ATXN7L1: variants seen among roughly 807,000 people sequenced by gnomAD.
ATXN7L1 encodes the protein ataxin 7 like 1, also known as ataxin-7-like protein 1.
Under a neutral mutation model 70.8 loss-of-function variants are expected in ATXN7L1, and 15 were observed. That is an observed-to-expected ratio of 0.21 (90% CI 0.14 to 0.33). The LOEUF is 0.33. Ranked by LOEUF, ATXN7L1 falls within the 10% of genes least tolerant of loss-of-function variation. ATXN7L1 has a pLI of 1.00. For missense variants in ATXN7L1, 975 were observed against 1,097.1 expected (o/e 0.89, Z 1.57); for synonymous variants, 440 against 445.1 (o/e 0.99, Z 0.14).
chr7:105,653,752 C>T (rs1334085671), intron 4 of ATXN7L1, among the ~76,000 whole-genome samples: 1 of 151,984 alleles, frequency 6.6e-6, no homozygotes, highest in African/African-American at 2.4e-5. Context: ...CCCCACCCCT[C>T]CTGCCCCAGC....
intron 3 of ATXN7L1, among the ~76,000 whole-genome samples, chr7:105,747,513 T>C (rs1394558044): frequency 1.3e-5 from 2 of 152,182 alleles, no homozygotes; most frequent in African/African-American, 2.4e-5. Flanking sequence ...CTTTAAGATA[T>C]CCTTTATAAT....
At chr7:105,721,398 T>C (rs535609253) in intron 3 of ATXN7L1, among the ~76,000 whole-genome samples, 1 of 152,256 alleles carries the variant, frequency 6.6e-6, no homozygotes, top group South Asian at 2.1e-4. Flanking sequence ...CTGGAAGGAT[T>C]CCTGGACCAT....
chr7:105,617,727 T>A lies in ATXN7L1; in HGVS notation c.1517+2473A>T, dbSNP rs980026372. 8.4e-6 allele frequency: 3 copies of A among 355,034 alleles called. No homozygotes were observed. The Admixed American group carries it at 1.1e-4, about 13-fold the overall frequency. The allele number at this position is 355,034 out of a possible 1,614,324, so 22.0% of individuals were successfully genotyped here. The stretch of plus-strand genomic sequence containing the variant: ...GAAGTCCCACACTAAAGCCCACAGA[T>A]GCGAATAAATTACTGACAGTGCCCA... On this transcript the variant is annotated intron_variant, in intron 9 of 11. Transcript: ENST00000419735.
intron 2 of ATXN7L1, among the ~76,000 whole-genome samples, chr7:105,818,713 T>TTGAAGCTGGCATGTATTAGGA (rs1219431474): frequency 2.0e-5 from 3 of 152,156 alleles, no homozygotes; most frequent in Non-Finnish European, 4.4e-5. Context: ...GCAGCACACA[T>TTGAAGCTGGCATGTATTAGGA]TGAAGCTGGC....
chr7:105,749,895 T>A (rs545949241), intron 3 of ATXN7L1, among the ~76,000 whole-genome samples: 1 of 151,914 alleles, frequency 6.6e-6, no homozygotes, highest in Non-Finnish European at 1.5e-5. Context: ...CCGTTGAGGA[T>A]CACTGTTGGC....
intron 3 of ATXN7L1, among the ~76,000 whole-genome samples, chr7:105,700,231 C>T (rs186912875): frequency 5.3e-5 from 8 of 152,178 alleles, no homozygotes; most frequent in Non-Finnish European, 7.4e-5. Flanking sequence ...GGGGGCTGGG[C>T]GCGGTGGCTC....
chr7:105,837,787 T>C (rs1442128928), intron 2 of ATXN7L1, among the ~76,000 whole-genome samples: 1 of 151,982 alleles, frequency 6.6e-6, no homozygotes, highest in Non-Finnish European at 1.5e-5. Context: ...TGGCCACCCT[T>C]CTCCACTCAC....
rs149633348 is a variant in ATXN7L1 at position 105,864,682 on chromosome 7, G to A, written c.250+11130C>T. Among the ~76,000 whole-genome samples, 1,401 of 150,902 alleles carry A rather than the reference G, an allele frequency of 9.3e-3. 17 individuals are homozygous for A. The highest frequency in any genetic ancestry group is 0.032 in the African/African-American group (1,330 of 41,016). ...GGAGTGTCACTCTGTCCCCCAGGCTGGAGTGCAGTGGTGCAATCTCGGCTC... is the reference window on the plus strand; with the variant it reads ...GGAGTGTCACTCTGTCCCCCAGGCTAGAGTGCAGTGGTGCAATCTCGGCTC... On this transcript the variant is annotated intron_variant, in intron 2 of 11. Coordinates refer to ENST00000419735, the MANE Select transcript of ATXN7L1 (RefSeq NM_020725.2).
intron 3 of ATXN7L1, among the ~76,000 whole-genome samples, chr7:105,679,604 A>C (rs745411921): frequency 2.6e-5 from 4 of 152,236 alleles, no homozygotes; most frequent in Non-Finnish European, 4.4e-5. Flanking sequence ...GATTTCATTC[A>C]TTCTGGATAT....
chr7:105,754,680 G>A (rs1320841812), intron 3 of ATXN7L1, among the ~76,000 whole-genome samples: 2 of 152,142 alleles, frequency 1.3e-5, no homozygotes, highest in Non-Finnish European at 2.9e-5. Flanking sequence ...GGCTGGTCTT[G>A]AATTCCTGGC....
At chr7:105,751,737 G>A (rs1367989978) in intron 3 of ATXN7L1, among the ~76,000 whole-genome samples, 1 of 152,164 alleles carries the variant, frequency 6.6e-6, no homozygotes, top group Non-Finnish European at 1.5e-5. Context: ...TTCTCCTCAG[G>A]GGCCTCCCAT....
intron 3 of ATXN7L1, among the ~76,000 whole-genome samples, chr7:105,710,498 C>T (rs2116267458): frequency 6.6e-6 from 1 of 151,128 alleles, no homozygotes; most frequent in Non-Finnish European, 1.5e-5. Flanking sequence ...AGCTCCGCCT[C>T]CCAGGTTCAT....
chr7:105,619,140 G>GTTTTTGTTTT (rs1794384009), intron 9 of ATXN7L1, among the ~76,000 whole-genome samples: 1 of 49,846 alleles, frequency 2.0e-5, no homozygotes, highest in African/African-American at 8.2e-5. Context: ...GAAATCTTTA[G>GTTTTTGTTTT]TTTTTTTTTT....
At chr7:105,789,639 C>G (rs1041650053) in intron 2 of ATXN7L1, among the ~76,000 whole-genome samples, 1 of 152,220 alleles carries the variant, frequency 6.6e-6, no homozygotes, top group Middle Eastern at 3.4e-3. Context: ...TGGAGGGAGT[C>G]TTGGCGCCTC....
In ATXN7L1 at chr7:105,613,950, A is replaced by G; in HGVS notation, c.2384T>C (p.Met795Thr). The change falls in exon 10 of 12, where the codon ATG (methionine) becomes ACG (threonine). Residue 795 changes from methionine (M) to threonine (T), a missense_variant. Physicochemically the swap from Met to Thr is moderately conservative, Grantham distance 81. This residue lies in a region of ATXN7L1 where 635 missense variants were observed against 699.4 expected (regional missense o/e 0.91). Transcript: ENST00000419735. ...SSSKACKITK[M>T]PGMNSVHKKN... is the part of the protein sequence containing the mutation. ...TTTGTGAACGCTATTCATACCAGGC[A>G]TTTTAGTGATTTTACAGGCTTTGCT... 1 of 1,552,312 alleles carries G rather than the reference A, an allele frequency of 6.4e-7. No homozygotes were observed. The highest frequency in any genetic ancestry group is 1.2e-5 in the South Asian group (1 of 84,062).
chr7:105,755,894 C>G (rs1482005879), intron 3 of ATXN7L1, among the ~76,000 whole-genome samples: 1 of 152,150 alleles, frequency 6.6e-6, no homozygotes. Context: ...AACCGTCATG[C>G]AGGTGGAGAC....
chr7:105,719,593 A>G (rs1794952212), intron 3 of ATXN7L1, among the ~76,000 whole-genome samples: 1 of 152,144 alleles, frequency 6.6e-6, no homozygotes, highest in Non-Finnish European at 1.5e-5. Flanking sequence ...AGCAGGAGCC[A>G]GCGCAGAGAA....
rs1439485834 is a variant in ATXN7L1 at position 105,667,580 on chromosome 7, TC to T, written c.356-2293del. 1.5e-5 allele frequency among the ~76,000 whole-genome samples: 2 copies of T among 132,230 alleles called. 1 individual carries two copies. Among genetic ancestry groups the T allele is most frequent in the East Asian group, 6.3e-4 (2 of 3,194 alleles). The allele number at this position is 132,230 out of a possible 152,430, so 86.7% of individuals were successfully genotyped here. A position where few individuals can be genotyped will look rare whatever the true frequency, so the allele number is the denominator to read the frequency against. On this transcript the variant is annotated intron_variant, in intron 3 of 11. Coordinates refer to ENST00000419735, the MANE Select transcript of ATXN7L1 (RefSeq NM_020725.2). ...CGGGCGTAGTGGCGGGCGCCTGTAGTCCCAGCTACTTGGGAGGCTGAGGCGG... is the reference window on the plus strand; with the variant it reads ...CGGGCGTAGTGGCGGGCGCCTGTAGTCCAGCTACTTGGGAGGCTGAGGCGG...
At chr7:105,643,182 G>C in intron 4 of ATXN7L1, 61 bp from the exon 5 acceptor site, 2 of 1,431,650 alleles carry the variant, frequency 1.4e-6, no homozygotes, top group Non-Finnish European at 1.9e-6. Flanking sequence ...GTCTGCTGAG[G>C]AACCATACCC....
Sources: allele counts gnomAD v4.1 joint callset (sites outside exome capture counted in the v4.1 genomes callset), GRCh38; gene constraint gnomAD v4.1.1; regional missense constraint gnomAD v4.1.1; transcripts MANE v1.5; gene names NCBI Gene and HGNC (gene_info 2026-07-23, HGNC 2026-07-21).